PCDH11X: variants seen among roughly 807,000 people sequenced by gnomAD.
PCDH11X encodes protocadherin 11 X-linked.
In PCDH11X, 18 loss-of-function variants were observed where a neutral mutation model predicts 53.3. The observed-to-expected ratio is 0.34, with a 90% CI of 0.23 to 0.50. PCDH11X has a LOEUF of 0.50. Among genes scored for constraint, PCDH11X ranks in the 20% least tolerant of loss-of-function variants. The probability of loss-of-function intolerance (pLI) is 0.98; values close to 1 mark genes in which losing one functional copy is unlikely to be tolerated. For missense variants in PCDH11X, 570 were observed against 1,032.4 expected, an observed-to-expected ratio of 0.55 and a Z score of 6.14; for synonymous variants, 279 against 393.3, an observed-to-expected ratio of 0.71 and a Z score of 3.44.
intron 6 of PCDH11X, among the ~76,000 whole-genome samples, chrX:91,895,684 G>C (rs1342248119): frequency 9.3e-6 from 1 of 108,018 alleles, no homozygotes; most frequent in Non-Finnish European, 1.9e-5. Flanking sequence ...AGTCCAGAAA[G>C]ATATTTATGT....
intron 6 of PCDH11X, among the ~76,000 whole-genome samples, chrX:92,121,938 A>G (rs764703535): frequency 9.4e-6 from 1 of 106,468 alleles, no homozygotes; most frequent in African/African-American, 3.4e-5. Context: ...GTTGAGCAAC[A>G]GAGCAAGACT....
chrX:91,939,818 C>T lies in PCDH11X; in HGVS notation c.3033+60545C>T, dbSNP rs765944251. Among the ~76,000 whole-genome samples, 17 of 110,897 alleles carry T rather than the reference C, an allele frequency of 1.5e-4. 1 individual carries two copies. In the Middle Eastern group the frequency reaches 0.014, roughly 90 times the overall value. On this transcript the variant is annotated intron_variant, in intron 6 of 10. Coordinates refer to ENST00000682573, the MANE Select transcript of PCDH11X (RefSeq NM_032968.5). ...TACAAAAGTTGAAAGAATTTATCAC[C>T]GGCCCACGGAAATGCTGAAGTCCAT...
intron 9 of PCDH11X, among the ~76,000 whole-genome samples, chrX:92,403,133 C>G (rs2071421805): frequency 9.3e-6 from 1 of 107,765 alleles, no homozygotes; most frequent in Admixed American, 1.0e-4. Flanking sequence ...AATGATAAAC[C>G]AAAAATCACT....
intron 10 of PCDH11X, among the ~76,000 whole-genome samples, chrX:92,506,640 T>G (rs895140603): frequency 1.6e-4 from 17 of 105,971 alleles, no homozygotes; most frequent in African/African-American, 5.8e-4. Context: ...TTGCTAGTTT[T>G]TTTTTTTTTT....
chrX:91,791,344 G>A (rs1460944267), intron 1 of PCDH11X, among the ~76,000 whole-genome samples: 2 of 110,632 alleles, frequency 1.8e-5, no homozygotes, highest in East Asian at 2.8e-4. Flanking sequence ...GGCTAGGGGA[G>A]GCCTCAGGAA....
chrX:91,981,336 C>T (rs1011498403), intron 6 of PCDH11X, among the ~76,000 whole-genome samples: 1 of 109,458 alleles, frequency 9.1e-6, no homozygotes, highest in Non-Finnish European at 1.9e-5. Context: ...GCTATGTTTT[C>T]AATTATTCAA....
chrX:92,460,154 T>A lies in PCDH11X; in HGVS notation c.3344-8145T>A. 3 of 993,649 alleles carry A rather than the reference T, an allele frequency of 3.0e-6. No homozygotes were observed. In the East Asian group the frequency reaches 9.1e-5, roughly 30 times the overall value. The allele number at this position is 993,649 out of a possible 1,213,427, so 81.9% of individuals were successfully genotyped here. Reference sequence around the variant, plus strand: ...AATGCCCGTCTTGCTGCTGATGACTTTAGAGTCAAGTATGAGACACAGCTG... The same window carrying A: ...AATGCCCGTCTTGCTGCTGATGACTATAGAGTCAAGTATGAGACACAGCTG... On this transcript the variant is annotated intron_variant, in intron 9 of 10. Transcript: ENST00000682573.
At chrX:91,800,905 T>C (rs1272272787) in intron 1 of PCDH11X, among the ~76,000 whole-genome samples, 4 of 107,770 alleles carry the variant, frequency 3.7e-5, no homozygotes, top group Non-Finnish European at 7.7e-5. Flanking sequence ...GGTTTATTGC[T>C]GGGCGCCCTG....
intron 5 of PCDH11X, among the ~76,000 whole-genome samples, chrX:91,852,015 T>A (rs1275873450): frequency 7.5e-5 from 8 of 106,864 alleles, no homozygotes; most frequent in Admixed American, 3.0e-4. Context: ...ATTCTTTTTT[T>A]TTTTTTTTCT....
intron 5 of PCDH11X, among the ~76,000 whole-genome samples, chrX:91,849,846 ATTC>A (rs1171228858): frequency 1.0e-5 from 1 of 98,410 alleles, no homozygotes; most frequent in Non-Finnish European, 2.0e-5. Flanking sequence ...AACATAGCCA[ATTC>A]TTCATTATTC....
intron 6 of PCDH11X, among the ~76,000 whole-genome samples, chrX:92,038,934 T>A (rs2063170406): frequency 9.0e-6 from 1 of 111,107 alleles, no homozygotes; most frequent in African/African-American, 3.3e-5. Context: ...GAACTGTAAA[T>A]CCAATAAACC....
intron 6 of PCDH11X, chrX:92,113,920 A>G: frequency 8.3e-7 from 1 of 1,204,125 alleles, no homozygotes; most frequent in Non-Finnish European, 1.1e-6. Flanking sequence ...AGCTTCATCC[A>G]GTACAAACAT....
intron 5 of PCDH11X, among the ~76,000 whole-genome samples, chrX:91,864,194 C>G (rs1010364266): frequency 1.1e-3 from 124 of 110,947 alleles, no homozygotes; most frequent in Non-Finnish European, 2.0e-3. Flanking sequence ...TTGATGAAAT[C>G]TCTCAGCTTT....
intron 10 of PCDH11X, among the ~76,000 whole-genome samples, chrX:92,586,119 A>G (rs1924355989): frequency 1.2e-5 from 1 of 86,561 alleles, no homozygotes; most frequent in Non-Finnish European, 2.2e-5. Flanking sequence ...AAAAAATGCT[A>G]CACTTACTGG....
chrX:92,077,712 T>G (rs1176268976), intron 6 of PCDH11X, among the ~76,000 whole-genome samples: 5 of 110,621 alleles, frequency 4.5e-5, no homozygotes, highest in African/African-American at 6.6e-5. Flanking sequence ...AAATCTCACT[T>G]CAATTATATA....
At position 91,835,738 on chromosome X, in the gene PCDH11X, A is replaced by G; in HGVS notation, c.234A>G (p.Glu78=). 2 of 1,211,441 alleles carry G rather than the reference A, an allele frequency of 1.7e-6. No individual in the cohort carries two copies. Among genetic ancestry groups the G allele is most frequent in the Non-Finnish European group, 2.2e-6 (2 of 895,364 alleles). Residue 78 remains glutamate, a synonymous_variant, in exon 5 of 11, where the codon GAA becomes GAG. Coordinates refer to ENST00000682573, the MANE Select transcript of PCDH11X (RefSeq NM_032968.5). ...GAGATGTGCCACTGATTCGAATTGA[A>G]GAGGATACTGGTGAGATCTTCACTA... ...KTGDVPLIRI[E]EDTGEIFTTG...
At chrX:92,396,093 CTA>C (rs1290198844) in intron 9 of PCDH11X, among the ~76,000 whole-genome samples, 1 of 104,466 alleles carries the variant, frequency 9.6e-6, no homozygotes, top group East Asian at 3.1e-4. Flanking sequence ...ATAATGATCT[CTA>C]TGTCAGGAAA....
At chrX:92,558,084 G>C (rs1220881639) in intron 10 of PCDH11X, among the ~76,000 whole-genome samples, 1 of 110,900 alleles carries the variant, frequency 9.0e-6, no homozygotes, top group African/African-American at 3.3e-5. Flanking sequence ...TCTCCCGCTG[G>C]TTCTCTCCCA....
chrX:92,142,022 T>G (rs1355784297), intron 6 of PCDH11X, among the ~76,000 whole-genome samples: 1 of 111,627 alleles, frequency 9.0e-6, no homozygotes, highest in Non-Finnish European at 1.9e-5. Flanking sequence ...ATAAGCTTAA[T>G]GTACATTGTA....
Sources: gnomAD v4.1 joint callset for allele counts (sites outside exome capture counted in the v4.1 genomes callset) on GRCh38, gnomAD v4.1.1 for gene constraint, MANE v1.5 for transcripts, NCBI Gene and HGNC (gene_info 2026-07-23, HGNC 2026-07-21) for gene names.